The following GFM1 variants were observed in gnomAD, a reference collection of about 807,000 sequenced individuals.
GFM1 encodes the protein G elongation factor mitochondrial 1, also known as elongation factor G, mitochondrial.
In GFM1, 62 loss-of-function variants were observed where a neutral mutation model predicts 96.2. The observed-to-expected ratio is 0.64, with a 90% CI of 0.53 to 0.80. The LOEUF (loss-of-function observed/expected upper bound fraction) is 0.80. Among genes scored for constraint, GFM1 ranks in the 30% least tolerant of loss-of-function variants. GFM1 has a pLI of 0.00. For synonymous variants in GFM1, 282 were observed against 312.9 expected (o/e 0.90, Z 1.04); for missense variants, 852 against 916.6 (o/e 0.93, Z 0.91).
intron 13 of GFM1, chr3:158,667,090 AAAAC>A (rs779963168): frequency 1.9e-6 from 3 of 1,572,222 alleles, no homozygotes; most frequent in South Asian, 1.2e-5. Flanking sequence ...ACAAAAAATA[AAAAC>A]GTGTTGTTTA....
At chr3:158,663,511 TC>T (rs60389885) in intron 11 of GFM1, among the ~76,000 whole-genome samples, 63,156 of 152,046 alleles carry the variant, frequency 0.42, 14,256 homozygotes, top group African/African-American at 0.6. Context: ...CTTGGGATTT[TC>T]CAGACCTTTT....
chr3:158,685,275 T>G (rs1725746878), intron 15 of GFM1: 1 of 152,472 alleles, frequency 6.6e-6, no homozygotes, highest in South Asian at 2.1e-4. Context: ...AAAAAACTAG[T>G]GACAATGTAG....
intron 13 of GFM1, among the ~76,000 whole-genome samples, chr3:158,677,564 GA>G (rs1463903750): frequency 1.3e-5 from 2 of 152,070 alleles, no homozygotes; most frequent in Non-Finnish European, 2.9e-5. Flanking sequence ...GCAGTGGCAC[GA>G]TCTCGGCTCA....
At chr3:158,663,684 T>C (rs758665082) in intron 11 of GFM1, among the ~76,000 whole-genome samples, 2 of 152,248 alleles carry the variant, frequency 1.3e-5, no homozygotes, top group Non-Finnish European at 2.9e-5. Flanking sequence ...TTTGGAAGTA[T>C]GCAAGGTTAG....
chr3:158,685,377 C>T (rs1443070142), intron 15 of GFM1: 1 of 152,184 alleles, frequency 6.6e-6, no homozygotes, highest in Non-Finnish European at 1.5e-5. Flanking sequence ...TTTCCATGTC[C>T]TTTATGTGAA....
At chr3:158,662,533 G>A in intron 10 of GFM1, 95 bp from the exon 11 acceptor site, 1 of 772,482 alleles carries the variant, frequency 1.3e-6, no homozygotes, top group South Asian at 1.4e-5. Context: ...TTTATCCTTT[G>A]TTCTGTTGTA....
intron 13 of GFM1, among the ~76,000 whole-genome samples, chr3:158,681,178 A>G (rs1405199443): frequency 1.3e-5 from 2 of 152,200 alleles, no homozygotes; most frequent in Non-Finnish European, 2.9e-5. Flanking sequence ...AGGAATGTGC[A>G]GTCATTAATG....
chr3:158,672,349 C>T (rs140777519), intron 13 of GFM1: 2 of 1,613,612 alleles, frequency 1.2e-6, no homozygotes, highest in African/African-American at 1.3e-5. Flanking sequence ...GCTAAACTCA[C>T]CTCCATGCTG....
At chr3:158,657,940 GGTTA>G (rs1269787570) in intron 8 of GFM1, among the ~76,000 whole-genome samples, 2 of 151,520 alleles carry the variant, frequency 1.3e-5, no homozygotes, top group Non-Finnish European at 2.9e-5. Flanking sequence ...TATCTGTCAG[GGTTA>G]GTTTTATCTT....
chr3:158,680,791 C>T (rs144838563), intron 13 of GFM1, among the ~76,000 whole-genome samples: 3 of 152,230 alleles, frequency 2.0e-5, no homozygotes, highest in East Asian at 1.9e-4. Context: ...TTGTTTGGCA[C>T]GCTCTCGATT....
At chr3:158,687,026 A>G (rs1576794544) in intron 15 of GFM1, among the ~76,000 whole-genome samples, 1 of 151,724 alleles carries the variant, frequency 6.6e-6, no homozygotes, top group Non-Finnish European at 1.5e-5. Flanking sequence ...TTTTTGAGAC[A>G]GGTTCTTGCT....
At position 158,694,525 on chromosome 3, in the gene GFM1, C is replaced by T. The variant is rs974475718; in HGVS notation, c.*3058C>T. ...TGATGAAATAATCTGTACAACAAACCCCCAGGACACAAGTTTAGCTATGTA... is the reference window on the plus strand; with the variant it reads ...TGATGAAATAATCTGTACAACAAACTCCCAGGACACAAGTTTAGCTATGTA... On this transcript the variant is annotated 3_prime_UTR_variant, in exon 18 of 18. Coordinates refer to ENST00000486715, the MANE Select transcript of GFM1 (RefSeq NM_024996.7). Among the ~76,000 whole-genome samples the T allele has an allele frequency of 2.6e-5, 4 of 151,928 alleles. No homozygotes were observed. Among genetic ancestry groups the T allele is most frequent in the East Asian group, 1.9e-4 (1 of 5,162 alleles).
At chr3:158,669,247 T>C in intron 13 of GFM1, 5 of 1,261,210 alleles carry the variant, frequency 4.0e-6, no homozygotes, top group Non-Finnish European at 5.5e-6. Context: ...AAAAATAATT[T>C]AATTAAGCTA....
chr3:158,679,591 C>T (rs1560142602), intron 13 of GFM1, among the ~76,000 whole-genome samples: 1 of 152,166 alleles, frequency 6.6e-6, no homozygotes, highest in Non-Finnish European at 1.5e-5. Context: ...TAGTTCTCCT[C>T]TTAAGGCTTT....
rs1250653999 is a variant in GFM1, at chr3:158,686,147, TATATA to T, written c.1909+1484_1909+1488del. On this transcript the variant is annotated intron_variant, in intron 15 of 17. Transcript: ENST00000486715. ...GCCATATACATTTTCCCACAGGATA[TATATA>T]ATATGTTATATATTATATGTGTATA... Among the ~76,000 whole-genome samples, 3 of 149,498 alleles carry T rather than the reference TATATA, an allele frequency of 2.0e-5. No individual in the cohort carries two copies. The Admixed American group carries it at 2.0e-4, about 10-fold the overall frequency.
intron 1 of GFM1, among the ~76,000 whole-genome samples, chr3:158,645,236 G>A (rs924664585): frequency 3.9e-5 from 6 of 152,074 alleles, no homozygotes; most frequent in South Asian, 4.1e-4. Context: ...TTTGTCATCT[G>A]TGAACTACAA....
At chr3:158,654,099 A>G (rs1310407447) in intron 7 of GFM1, among the ~76,000 whole-genome samples, 1 of 151,950 alleles carries the variant, frequency 6.6e-6, no homozygotes. Flanking sequence ...CTGCAAAAGA[A>G]ACTCATTGGT....
At chr3:158,689,056 G>A (rs1407813881) in intron 15 of GFM1, among the ~76,000 whole-genome samples, 1 of 152,098 alleles carries the variant, frequency 6.6e-6, no homozygotes, top group Non-Finnish European at 1.5e-5. Context: ...TTTGCTGAAA[G>A]CCTTTATTTG....
chr3:158,644,985 T>G, intron 1 of GFM1: 1 of 407,044 alleles, frequency 2.5e-6, no homozygotes, highest in Non-Finnish European at 4.5e-6. Context: ...CTAAGGTTTT[T>G]TTTTTTTTTT....
Sources: gnomAD v4.1 joint callset for allele counts (sites outside exome capture counted in the v4.1 genomes callset) on GRCh38, gnomAD v4.1.1 for gene constraint, MANE v1.5 for transcripts, NCBI Gene and HGNC (gene_info 2026-07-23, HGNC 2026-07-21) for gene names.